The following LY96 variants were observed in gnomAD, a reference collection of about 807,000 sequenced individuals.
LY96 encodes the protein myeloid differentiation protein-2.
A neutral mutation model predicts 18.9 loss-of-function variants in LY96; 18 were observed. The observed-to-expected ratio is 0.95, with a 90% CI of 0.66 to 1.41. LY96 has a LOEUF of 1.41. Ranked by LOEUF, LY96 falls within the 40% of genes most tolerant of loss-of-function variation. LY96 has a pLI of 0.00. For missense variants in LY96, 175 were observed against 182.4 expected (o/e 0.96, Z 0.23); for synonymous variants, 66 against 62.6 (o/e 1.06, Z -0.26).
At position 74,004,926 on chromosome 8, in the gene LY96, T is replaced by C. The variant is rs755652506; in HGVS notation, c.202+41T>C. Reference sequence around the variant, plus strand: ...TGCTTTTATAGACCAATCAAAGGAGTTAAGAAATATCAGTGATAAATGATT... The same window carrying C: ...TGCTTTTATAGACCAATCAAAGGAGCTAAGAAATATCAGTGATAAATGATT... On this transcript the variant is annotated intron_variant, in intron 2 of 4. Transcript: ENST00000284818. 3.2e-6 allele frequency: 5 copies of C among 1,551,730 alleles called. No individual in the cohort carries two copies. In the Admixed American group the frequency reaches 8.5e-5, roughly 27 times the overall value.
intron 3 of LY96, among the ~76,000 whole-genome samples, chr8:74,026,512 C>T (rs1399819018): frequency 1.3e-5 from 2 of 152,204 alleles, no homozygotes; most frequent in Admixed American, 6.5e-5. Context: ...CATATTAGCA[C>T]TAGCTTGTTC....
intron 1 of LY96, among the ~76,000 whole-genome samples, chr8:73,995,018 G>A (rs973324841): frequency 6.6e-6 from 1 of 152,112 alleles, no homozygotes; most frequent in Non-Finnish European, 1.5e-5. Context: ...ATTAAGAGGT[G>A]GGACTTTTAA....
the LY96 span, among the ~76,000 whole-genome samples, chr8:74,054,617 C>CTTCCTTCTTTCTTTCTTTCTTTCT: frequency 5.1e-4 from 36 of 70,166 alleles, no homozygotes; most frequent in Admixed American, 7.7e-4. Flanking sequence ...TTTCCTTTTC[C>CTTCCTTCTTTCTTTCTTTCTTTCT]TTCTTTCTTT....
intron 3 of LY96, among the ~76,000 whole-genome samples, chr8:74,017,445 TG>T (rs908954038): frequency 6.6e-6 from 1 of 152,294 alleles, no homozygotes; most frequent in Non-Finnish European, 1.5e-5. Context: ...CTGAAAGTGA[TG>T]GTGAGAATGG....
chr8:74,075,913 G>A, the LY96 span, among the ~76,000 whole-genome samples: 1 of 152,312 alleles, frequency 6.6e-6, no homozygotes, highest in Non-Finnish European at 1.5e-5. Flanking sequence ...ATGATGGTAA[G>A]GAGCAGTGCC....
At chr8:74,087,325 C>T in the LY96 span, among the ~76,000 whole-genome samples, 1 of 152,208 alleles carries the variant, frequency 6.6e-6, no homozygotes, top group Non-Finnish European at 1.5e-5. Flanking sequence ...GAGATGGAGC[C>T]TGCCGTTCTA....
the LY96 span, among the ~76,000 whole-genome samples, chr8:74,097,333 C>T: frequency 6.6e-6 from 1 of 152,264 alleles, no homozygotes; most frequent in East Asian, 1.9e-4. Context: ...CCTTACTTTC[C>T]TCCTCTGTAA....
chr8:74,093,205 C>T, the LY96 span, among the ~76,000 whole-genome samples: 16 of 152,172 alleles, frequency 1.1e-4, 1 homozygote, highest in Non-Finnish European at 1.9e-4. Context: ...ACCTCTGCAA[C>T]GTTGCTTTCC....
chr8:74,063,941 T>A, the LY96 span, among the ~76,000 whole-genome samples: 1,485 of 152,168 alleles, frequency 9.8e-3, 32 homozygotes, highest in African/African-American at 0.035. Context: ...TCCTTGTGAC[T>A]TTTTTTCCCC....
chr8:74,022,814 C>T (rs758733706), intron 3 of LY96, among the ~76,000 whole-genome samples: 4 of 152,114 alleles, frequency 2.6e-5, no homozygotes, highest in Non-Finnish European at 4.4e-5. Context: ...CTCCTCACCT[C>T]GTGATCAGCC....
chr8:74,071,114 T>C, the LY96 span, among the ~76,000 whole-genome samples: 1 of 152,190 alleles, frequency 6.6e-6, no homozygotes, highest in Admixed American at 6.5e-5. Flanking sequence ...AGGGCAGGTG[T>C]CAGAGCCAGG....
the LY96 span, among the ~76,000 whole-genome samples, chr8:74,094,092 G>A: frequency 9.9e-5 from 15 of 151,860 alleles, no homozygotes; most frequent in Non-Finnish European, 1.5e-5. Context: ...GTATATCGCC[G>A]GTCCTTTCTT....
chr8:73,993,567 C>T (rs1017429280), intron 1 of LY96, among the ~76,000 whole-genome samples: 10 of 151,748 alleles, frequency 6.6e-5, no homozygotes, highest in East Asian at 3.9e-4. Flanking sequence ...CTCAGCCTCC[C>T]GAGTAGCTGG....
chr8:74,072,868 C>T, the LY96 span, among the ~76,000 whole-genome samples: 1 of 152,100 alleles, frequency 6.6e-6, no homozygotes, highest in Non-Finnish European at 1.5e-5. Context: ...GGTGAGCATG[C>T]GGGTGCCTCA....
chr8:74,094,101 T>C, the LY96 span, among the ~76,000 whole-genome samples: 1 of 152,216 alleles, frequency 6.6e-6, no homozygotes, highest in South Asian at 2.1e-4. Context: ...CGGTCCTTTC[T>C]TATTGTGCAC....
the LY96 span, among the ~76,000 whole-genome samples, chr8:74,053,465 A>G: frequency 2.0e-5 from 3 of 152,234 alleles, no homozygotes; most frequent in South Asian, 6.2e-4. Flanking sequence ...GTGATCTAGC[A>G]TGTTTAGCTC....
chr8:74,025,001 A>G (rs1000408555), intron 3 of LY96, among the ~76,000 whole-genome samples: 15 of 151,866 alleles, frequency 9.9e-5, no homozygotes, highest in African/African-American at 3.4e-4. Context: ...TTTCTTTTAT[A>G]TATTTTGTAC....
the LY96 span, among the ~76,000 whole-genome samples, chr8:74,092,571 T>C: frequency 6.6e-6 from 1 of 152,208 alleles, no homozygotes. Context: ...ACTTCAGCAC[T>C]GACAACACTT....
At chr8:73,995,307 A>C (rs1486975078) in intron 1 of LY96, among the ~76,000 whole-genome samples, 1 of 152,214 alleles carries the variant, frequency 6.6e-6, no homozygotes, top group East Asian at 1.9e-4. Context: ...AGCAGCACAA[A>C]GTGGACTAAG....
Sources: allele counts gnomAD v4.1 joint callset (sites outside exome capture counted in the v4.1 genomes callset), GRCh38; gene constraint gnomAD v4.1.1; transcripts MANE v1.5; gene names NCBI Gene and HGNC (gene_info 2026-07-23, HGNC 2026-07-21).